Variants in RAPGEF5 observed in about 807,000 individuals in gnomAD.
The protein encoded by RAPGEF5 is M-Ras-regulated GEF.
In RAPGEF5, 65 loss-of-function variants were observed where a neutral mutation model predicts 125.2. That is an observed-to-expected ratio of 0.52 (90% confidence interval 0.43 to 0.64). The LOEUF (loss-of-function observed/expected upper bound fraction) is 0.64, where lower values mean the gene tolerates loss of function less well. Among genes scored for constraint, RAPGEF5 ranks in the 30% least tolerant of loss-of-function variants. The pLI, the probability that RAPGEF5 is intolerant of heterozygous loss-of-function variation, is 0.00. For missense variants in RAPGEF5, 958 were observed against 1,048.1 expected (o/e 0.91, Z 1.19); for synonymous variants, 391 against 385.9 (o/e 1.01, Z -0.16).
intron 7 of RAPGEF5, among the ~76,000 whole-genome samples, chr7:22,231,837 C>T (rs952680643): frequency 6.6e-6 from 1 of 152,142 alleles, no homozygotes. Flanking sequence ...GTAGAGACCA[C>T]AATAAATTCA....
intron 12 of RAPGEF5, among the ~76,000 whole-genome samples, chr7:22,165,540 G>A (rs953349764): frequency 5.3e-5 from 8 of 152,108 alleles, no homozygotes; most frequent in African/African-American, 1.9e-4. Flanking sequence ...ACATATTATT[G>A]AAACTTTCCA....
At chr7:22,318,630 G>T (rs1783651788) in intron 1 of RAPGEF5, among the ~76,000 whole-genome samples, 1 of 152,122 alleles carries the variant, frequency 6.6e-6, no homozygotes, top group Non-Finnish European at 1.5e-5. Context: ...AGTTTAGCAA[G>T]ACCTACTTGT....
At chr7:22,159,235 A>G (rs1348821292) in intron 14 of RAPGEF5, among the ~76,000 whole-genome samples, 1 of 152,224 alleles carries the variant, frequency 6.6e-6, no homozygotes, top group East Asian at 1.9e-4. Context: ...GTAGACTGCA[A>G]TAAAAGAAGA....
At chr7:22,137,593 G>A (rs545840430) in intron 21 of RAPGEF5, among the ~76,000 whole-genome samples, 2 of 152,312 alleles carry the variant, frequency 1.3e-5, no homozygotes, top group African/African-American at 2.4e-5. Flanking sequence ...TTTTAACATG[G>A]CTAAGTAAAA....
At chr7:22,202,210 T>C (rs1380889483) in intron 9 of RAPGEF5, among the ~76,000 whole-genome samples, 2 of 152,188 alleles carry the variant, frequency 1.3e-5, no homozygotes, top group Non-Finnish European at 2.9e-5. Context: ...GTCTGAGTAA[T>C]GGGCATAGCA....
chr7:22,147,107 G>A (rs1468385700), intron 18 of RAPGEF5, 88 bp from the exon 19 acceptor site: 9 of 1,474,686 alleles, frequency 6.1e-6, no homozygotes, highest in Non-Finnish European at 7.3e-6. Flanking sequence ...TAGAAGCTCA[G>A]ATTAGCAAAG....
At chr7:22,345,530 T>C (rs1372335829) in intron 1 of RAPGEF5, among the ~76,000 whole-genome samples, 1 of 152,144 alleles carries the variant, frequency 6.6e-6, no homozygotes, top group African/African-American at 2.4e-5. Context: ...AAAAAAGACT[T>C]TATTCCAGTT....
intron 23 of RAPGEF5, 64 bp from the exon 24 acceptor site, chr7:22,131,165 A>C (rs1782904939): frequency 6.9e-7 from 1 of 1,458,012 alleles, no homozygotes; most frequent in African/African-American, 1.4e-5. Flanking sequence ...AGGGCTGAAG[A>C]GGTCTAGGTA....
At chr7:22,279,422 T>C (rs2128144392) in intron 6 of RAPGEF5, among the ~76,000 whole-genome samples, 1 of 152,350 alleles carries the variant, frequency 6.6e-6, no homozygotes, top group Non-Finnish European at 1.5e-5. Flanking sequence ...CTCTGTTATC[T>C]ACTAAGATAT....
intron 5 of RAPGEF5, among the ~76,000 whole-genome samples, chr7:22,303,934 G>C (rs915016893): frequency 6.6e-6 from 1 of 152,188 alleles, no homozygotes; most frequent in East Asian, 1.9e-4. Flanking sequence ...AAGAGCAAGA[G>C]TATCACACTG....
chr7:22,184,658 T>C (rs539624728), intron 11 of RAPGEF5, among the ~76,000 whole-genome samples: 1 of 152,324 alleles, frequency 6.6e-6, no homozygotes, highest in East Asian at 1.9e-4. Flanking sequence ...AATCAGTGTA[T>C]GTTAATGATC....
At chr7:22,280,861 T>G (rs775046153) in intron 6 of RAPGEF5, among the ~76,000 whole-genome samples, 5 of 152,228 alleles carry the variant, frequency 3.3e-5, no homozygotes, top group Non-Finnish European at 4.4e-5. Context: ...TAACTAAATT[T>G]CATTCAAACA....
intron 9 of RAPGEF5, among the ~76,000 whole-genome samples, chr7:22,215,851 C>T (rs1392394883): frequency 6.6e-6 from 1 of 152,144 alleles, no homozygotes; most frequent in Non-Finnish European, 1.5e-5. Flanking sequence ...TTTGCCAGAA[C>T]CCCACCTAAC....
At chr7:22,294,134 C>T (rs189800306) in intron 5 of RAPGEF5, among the ~76,000 whole-genome samples, 1 of 146,568 alleles carries the variant, frequency 6.8e-6, no homozygotes, top group African/African-American at 2.5e-5. Flanking sequence ...GAGAGAGAGA[C>T]AGAGAGAGAG....
intron 8 of RAPGEF5, among the ~76,000 whole-genome samples, chr7:22,230,302 T>C (rs983483121): frequency 1.3e-5 from 2 of 152,228 alleles, no homozygotes; most frequent in Admixed American, 6.5e-5. Context: ...GTTAATGTGA[T>C]TCTTCTGACC....
At chr7:22,234,884 T>C (rs1355096599) in intron 7 of RAPGEF5, among the ~76,000 whole-genome samples, 1 of 152,112 alleles carries the variant, frequency 6.6e-6, no homozygotes, top group Admixed American at 6.5e-5. Context: ...ATAATAATAA[T>C]ACTTAAACAC....
chr7:22,136,963 CT>C lies in RAPGEF5; in HGVS notation c.2297del (p.Lys766ArgfsTer10). 1 of 1,585,578 alleles carries C rather than the reference CT, an allele frequency of 6.3e-7. No homozygotes were observed. The highest frequency in any genetic ancestry group is 8.6e-7 in the Non-Finnish European group (1 of 1,162,016). ...AACTTTCAAGTTCAGAGAAAAGTTT[CT>C]TAAACTTCCCAGGGATTTTCTAAAA... ...QTWEKIPGKF[K>X]KLFSELESLT... On this transcript the variant is annotated frameshift_variant, in exon 22 of 26. Transcript: ENST00000665637. LOFTEE classifies it high-confidence loss of function.
In RAPGEF5 at chr7:22,246,605, C is replaced by T. The variant is rs182259578; in HGVS notation, c.797-15686G>A. Among the ~76,000 whole-genome samples the T allele has an allele frequency of 2.4e-3, 372 of 152,140 alleles. 7 individuals are homozygous for T. Among genetic ancestry groups the T allele is most frequent in the Admixed American group, 0.021 (313 of 15,268 alleles). ...ATTGATTAAAGATTTAAATGTAAGACGTCAAACTATAAGAATACTAGAAGA... is the reference window on the plus strand; with the variant it reads ...ATTGATTAAAGATTTAAATGTAAGATGTCAAACTATAAGAATACTAGAAGA... On this transcript the variant is annotated intron_variant, in intron 7 of 25. Coordinates refer to ENST00000665637, the MANE Select transcript of RAPGEF5 (RefSeq NM_012294.5).
At position 22,274,476 on chromosome 7, in the gene RAPGEF5, C is replaced by T. The variant is rs994279554; in HGVS notation, c.748-7464G>A. On this transcript the variant is annotated intron_variant, in intron 6 of 25. Transcript: ENST00000665637. ...TCCCGAGTACCTGAGAGGACAGGCA[C>T]ACACCACCAGGCCTGGCTAATTTTT... Among the ~76,000 whole-genome samples, 3 of 151,974 alleles carry T rather than the reference C, an allele frequency of 2.0e-5. No homozygotes were observed. In the South Asian group the frequency reaches 6.3e-4, roughly 32 times the overall value.
Sources: gnomAD v4.1 joint callset for allele counts (sites outside exome capture counted in the v4.1 genomes callset) on GRCh38, gnomAD v4.1.1 for gene constraint, MANE v1.5 for transcripts, NCBI Gene and HGNC (gene_info 2026-07-23, HGNC 2026-07-21) for gene names.